The following C11orf65 variants were observed in gnomAD, a reference collection of about 807,000 sequenced individuals.
The protein encoded by C11orf65 is protein MFI.
C11orf65 carries 38 observed loss-of-function variants against 35.3 expected under a neutral mutation model. The observed-to-expected ratio is 1.08, with a 90% CI of 0.83 to 1.41. The LOEUF (loss-of-function observed/expected upper bound fraction) is 1.41, where lower values mean the gene tolerates loss of function less well. C11orf65 is among the 40% of genes most tolerant of loss of function. C11orf65 has a pLI of 0.00. For missense variants in C11orf65, 370 were observed against 367.1 expected (o/e 1.01, Z -0.06); for synonymous variants, 105 against 114.4 (o/e 0.92, Z 0.53).
chr11:108,310,137 C>T (rs750197861), intron 6 of C11orf65: 3 of 1,603,502 alleles, frequency 1.9e-6, no homozygotes, highest in African/African-American at 2.7e-5. Flanking sequence ...AAGTGAATGA[C>T]ATTATATCTC....
chr11:108,372,174 TATTCATTCATTCATTCATTC>T (rs57080338), intron 2 of C11orf65, among the ~76,000 whole-genome samples: 6 of 151,406 alleles, frequency 4.0e-5, no homozygotes, highest in East Asian at 1.9e-4. Context: ...CACTAAATTT[TATTCATTCATTCATTCATTC>T]ATTCATTCAT....
At chr11:108,342,359 A>G (rs1402486486) in intron 2 of C11orf65, among the ~76,000 whole-genome samples, 3 of 152,246 alleles carry the variant, frequency 2.0e-5, no homozygotes, top group Non-Finnish European at 4.4e-5. Flanking sequence ...GTAGAGTTAA[A>G]TATGCTCACA....
chr11:108,438,042 C>T (rs2093091694), intron 2 of C11orf65, among the ~76,000 whole-genome samples: 1 of 152,108 alleles, frequency 6.6e-6, no homozygotes, highest in Non-Finnish European at 1.5e-5. Context: ...TTGGTACTGG[C>T]CTAAGGACAG....
In C11orf65 at chr11:108,383,128, C is replaced by G; in HGVS notation, c.835G>C (p.Asp279His). 1 of 1,611,282 alleles carries G rather than the reference C, an allele frequency of 6.2e-7. No individual in the cohort carries two copies. Among genetic ancestry groups the G allele is most frequent in the Non-Finnish European group, 8.5e-7 (1 of 1,179,000 alleles). ...AQKNIYNYGG[D>H]ISKMQMGIPD... ...ATTCCCATTTGCATCTTTGATATGTCTCCTCCATAGTTATATATGTTTTTC... is the reference window on the plus strand; with the variant it reads ...ATTCCCATTTGCATCTTTGATATGTGTCCTCCATAGTTATATATGTTTTTC... The change falls in exon 9 of 9, where the codon GAC becomes CAC. Residue 279 changes from aspartate to histidine, a missense_variant. Coordinates refer to ENST00000393084, the MANE Select transcript of C11orf65 (RefSeq NM_152587.5).
At chr11:108,444,113 C>T (rs1392066767) in intron 2 of C11orf65, among the ~76,000 whole-genome samples, 17 of 151,958 alleles carry the variant, frequency 1.1e-4, no homozygotes, top group East Asian at 3.9e-4. Flanking sequence ...ATCAAATAGA[C>T]GCAATAAAAA....
At chr11:108,374,131 G>A (rs2091649320) in intron 2 of C11orf65, among the ~76,000 whole-genome samples, 6 of 152,296 alleles carry the variant, frequency 3.9e-5, no homozygotes, top group Non-Finnish European at 1.5e-5. Context: ...TTTGAGGAGA[G>A]CAGTGGTTCT....
At chr11:108,311,863 T>C (rs974313698) in intron 6 of C11orf65, among the ~76,000 whole-genome samples, 2 of 152,242 alleles carry the variant, frequency 1.3e-5, no homozygotes, top group Non-Finnish European at 2.9e-5. Flanking sequence ...CTGAATGTTA[T>C]ATGTATAAAA....
In C11orf65 at chr11:108,347,386, A is replaced by G. The variant is rs1453082159; in HGVS notation, c.227-12094T>C. On this transcript the variant is annotated intron_variant, in intron 2 of 3. Coordinates refer to the C11orf65 transcript ENST00000524755. ...TCTAGGTAAGTAATAAAATCTATGT[A>G]TCTATTCTTTTTAGTAAATATTTGG... The G allele has an allele frequency of 1.7e-5, 26 of 1,528,246 alleles. No homozygotes were observed. In the Admixed American group the frequency reaches 3.9e-4, roughly 23 times the overall value. The allele number at this position is 1,528,246 out of a possible 1,614,324, so 94.7% of individuals were successfully genotyped here.
chr11:108,469,245 A>T (rs900263253), upstream of C11orf65, among the ~76,000 whole-genome samples: 2 of 151,802 alleles, frequency 1.3e-5, no homozygotes, highest in Admixed American at 1.3e-4. Flanking sequence ...TCAAAATTAC[A>T]CAACAATGTG....
At chr11:108,430,570 A>T (rs1390948449) in intron 3 of C11orf65, among the ~76,000 whole-genome samples, 1 of 152,078 alleles carries the variant, frequency 6.6e-6, no homozygotes, top group Non-Finnish European at 1.5e-5. Flanking sequence ...CAATAAGGGT[A>T]CGGTGGTTTA....
At chr11:108,409,622 G>C (rs1193091096) in intron 3 of C11orf65, among the ~76,000 whole-genome samples, 1 of 152,076 alleles carries the variant, frequency 6.6e-6, no homozygotes, top group Admixed American at 6.5e-5. Flanking sequence ...GTAAACAACT[G>C]ATACTCTACA....
At chr11:108,358,850 T>C (rs1452875320) in intron 2 of C11orf65, among the ~76,000 whole-genome samples, 20 of 150,318 alleles carry the variant, frequency 1.3e-4, no homozygotes, top group Admixed American at 2.6e-4. Context: ...CATGCCAAAA[T>C]GTAAAGACCA....
At chr11:108,383,503 A>G (rs2091911593) in intron 8 of C11orf65, among the ~76,000 whole-genome samples, 1 of 152,186 alleles carries the variant, frequency 6.6e-6, no homozygotes, top group Non-Finnish European at 1.5e-5. Flanking sequence ...CTACCTCATC[A>G]TATTCCTGCA....
chr11:108,381,348 A>G (rs2091861687), downstream of C11orf65, among the ~76,000 whole-genome samples: 1 of 152,120 alleles, frequency 6.6e-6, no homozygotes. Context: ...CCAGTGAGGG[A>G]ATGGTTCCCC....
In C11orf65 at chr11:108,336,141, T is replaced by TA. The variant is rs374306537; in HGVS notation, c.227-850dup. On this transcript the variant is annotated intron_variant, in intron 2 of 3. Coordinates refer to the C11orf65 transcript ENST00000524755. Reference sequence around the variant, plus strand: ...GTGAGACCCCATCTTGACAAAAAGTTAAAAAAAAAAAAAAAGCCAGAGATG... The same window carrying TA: ...GTGAGACCCCATCTTGACAAAAAGTTAAAAAAAAAAAAAAAAGCCAGAGATG... 6,134 of 439,734 alleles carry TA rather than the reference T, an allele frequency of 0.014. 18 individuals are homozygous for TA. Among genetic ancestry groups the TA allele is most frequent in the African/African-American group, 0.036 (1,581 of 44,496 alleles). The allele number at this position is 439,734 out of a possible 1,614,324, so 27.2% of individuals were successfully genotyped here.
intron 3 of C11orf65, among the ~76,000 whole-genome samples, chr11:108,409,165 T>C (rs916462682): frequency 1.3e-5 from 2 of 152,232 alleles, no homozygotes; most frequent in African/African-American, 4.8e-5. Flanking sequence ...TATGTAGTTG[T>C]AGATAGCAGC....
At chr11:108,461,670 C>A in intron 1 of C11orf65, 102 bp from the exon 2 acceptor site, 1 of 757,342 alleles carries the variant, frequency 1.3e-6, no homozygotes, top group South Asian at 2.0e-5. Flanking sequence ...CTCTGTCACC[C>A]AAGCTGGAGT....
intron 7 of C11orf65, among the ~76,000 whole-genome samples, chr11:108,389,121 G>A (rs995962626): frequency 6.6e-6 from 1 of 152,220 alleles, no homozygotes; most frequent in African/African-American, 2.4e-5. Context: ...GTCCATAGAC[G>A]TTGAAGGATA....
At chr11:108,406,602 G>C (rs537236419) in intron 5 of C11orf65, among the ~76,000 whole-genome samples, 161 bp downstream of exon 5, 1 of 152,240 alleles carries the variant, frequency 6.6e-6, no homozygotes, top group Non-Finnish European at 1.5e-5. Flanking sequence ...GCTGTGCCTT[G>C]AAGTATTATT....
Sources: gnomAD v4.1 joint callset for allele counts (sites outside exome capture counted in the v4.1 genomes callset) on GRCh38, gnomAD v4.1.1 for gene constraint, MANE v1.5 for transcripts, NCBI Gene and HGNC (gene_info 2026-07-23, HGNC 2026-07-21) for gene names.